Variants in SBK3 observed in about 807,000 individuals in gnomAD.
SBK3 encodes uncharacterized serine/threonine-protein kinase SBK3.
A neutral mutation model predicts 12.7 loss-of-function variants in SBK3; 16 were observed. That is an observed-to-expected ratio of 1.26 (90% CI 0.86 to 1.92). The LOEUF (loss-of-function observed/expected upper bound fraction) is 1.92, where lower values mean the gene tolerates loss of function less well. Ranked by LOEUF, SBK3 falls within the 40% of genes most tolerant of loss-of-function variation. SBK3 has a pLI of 0.00. For synonymous variants in SBK3, 217 were observed against 213.6 expected (o/e 1.02, Z -0.14); for missense variants, 462 against 481.8 (o/e 0.96, Z 0.38).
Position 55,545,263 on chromosome 19 carries a change from C to T in SBK3, c.45+236G>A. On this transcript the variant is annotated intron_variant, in intron 1 of 3. Coordinates refer to ENST00000612221, the MANE Select transcript of SBK3 (RefSeq NM_001199824.2). This position sits in a 1 kb window ranked among gnomAD's most constrained non-coding sequence, Gnocchi z 4.4. ...CCCCTGCCCACCCTGGTCTCTCTCT[C>T]CACCGTCCTCTTCCCCTGTGCATCC... is the stretch of plus-strand genomic sequence containing the variant. 1 of 589,206 alleles carries T rather than the reference C, an allele frequency of 1.7e-6. No individual in the cohort carries two copies. The highest frequency in any genetic ancestry group is 2.9e-5 in the East Asian group (1 of 35,034). The allele number at this position is 589,206 out of a possible 1,614,324, so 36.5% of individuals were successfully genotyped here.
chr19:55,542,580 C>T (rs889701552), intron 3 of SBK3, among the ~76,000 whole-genome samples: 1 of 150,354 alleles, frequency 6.7e-6, no homozygotes, highest in African/African-American at 2.5e-5. Context: ...CCAATCCTTC[C>T]TTCCGTCCAT....
At position 55,541,287 on chromosome 19, in the gene SBK3, C is replaced by A. The variant is rs981211408; in HGVS notation, c.639G>T (p.Pro213=). The part of the protein sequence containing the change: ...TAPPELCLLL[P]PDTLPLRPAV... ...CTGGCCGCAGAGGCAGGGTGTCGGG[C>A]GGTAGCAGGAGACAGAGCTCAGGCG... The change falls in exon 4 of 4, where the codon CCG becomes CCT. Residue 213 remains proline, a synonymous_variant. Coordinates refer to ENST00000612221, the MANE Select transcript of SBK3 (RefSeq NM_001199824.2). This position sits in a 1 kb window ranked among gnomAD's most constrained non-coding sequence, Gnocchi z 5.3. The A allele has an allele frequency of 6.5e-7, 1 of 1,535,596 alleles. No homozygotes were observed. The highest frequency in any genetic ancestry group is 1.4e-5 in the African/African-American group (1 of 73,052).
chr19:55,542,446 C>G (rs74881819), intron 3 of SBK3, among the ~76,000 whole-genome samples: 1,454 of 142,260 alleles, frequency 0.01, 9 homozygotes, highest in Non-Finnish European at 0.013. Context: ...CCATCCACCA[C>G]TCACTCACCC....
In SBK3 at chr19:55,544,128, C is replaced by G. The variant is rs768502768; in HGVS notation, c.371G>C (p.Gly124Ala). Residue 124 changes from glycine (G) to alanine (A), a missense_variant, in exon 3 of 4, where the codon GGG (glycine) becomes GCG (alanine). Physicochemically the swap from Gly to Ala is moderately conservative, Grantham distance 60. Transcript: ENST00000612221. ...FAFAQEYAPC[G>A]DLSGMLQERG... ...TTCCTGCAGCATCCCGCTGAGGTCC[C>G]CACAGGGCGCGTACTCCTGGGCGAA... 1.8e-5 allele frequency: 27 copies of G among 1,525,658 alleles called. No homozygotes were observed. Among genetic ancestry groups the G allele is most frequent in the Non-Finnish European group, 2.4e-5 (27 of 1,141,674 alleles). 94.5% of individuals were successfully genotyped at this position (1,525,658 alleles called of 1,614,324 possible). A position where few individuals can be genotyped will look rare whatever the true frequency, so the allele number is the denominator to read the frequency against.
rs781725343 is a variant in SBK3, at chr19:55,540,899, C to A, written c.1027G>T (p.Gly343Cys). Residue 343 changes from glycine to cysteine, a missense_variant, in exon 4 of 4, where the codon GGT becomes TGT. Gly to Cys is a radical substitution (Grantham distance 159, BLOSUM62 -3). Transcript: ENST00000612221. The stretch of plus-strand genomic sequence containing the variant: ...CTCCCACCACTTTTGCTGTCATCAC[C>A]CTCATCTGTCCACTCCTCCAGGCTT... ...GSSLEEWTDE[G>C]DDSKSGGRTG... The A allele has an allele frequency of 1.3e-5, 20 of 1,536,038 alleles. No homozygotes were observed. The highest frequency in any genetic ancestry group is 2.7e-5 in the African/African-American group (2 of 73,020).
intron 2 of SBK3, 31 bp downstream of exon 2, chr19:55,544,768 G>T (rs1988634679): frequency 1.4e-6 from 2 of 1,462,058 alleles, no homozygotes; most frequent in Admixed American, 4.9e-5. Flanking sequence ...TGGGGCAGTT[G>T]GGGAGGCTGC....
At position 55,541,566 on chromosome 19, in the gene SBK3, G is replaced by A. The variant is rs1988562078; in HGVS notation, c.400-40C>T. On this transcript the variant is annotated intron_variant, in intron 3 of 3. Transcript: ENST00000612221. This position sits in a 1 kb window ranked among gnomAD's most constrained non-coding sequence, Gnocchi z 5.3. The stretch of plus-strand genomic sequence containing the variant: ...ACAGGAGGAGGGTCAGAGTGTCTTG[G>A]TTTTGTCTTTTTTATGTTGTCCAGG... The A allele has an allele frequency of 1.4e-6, 2 of 1,436,706 alleles. No individual in the cohort carries two copies. The highest frequency in any genetic ancestry group is 1.8e-6 in the Non-Finnish European group (2 of 1,084,692). 89.0% of individuals were successfully genotyped at this position (1,436,706 alleles called of 1,614,324 possible).
rs1008004745 is a variant in SBK3, at chr19:55,541,595, G to C, written c.400-69C>G. ...TGTCTTTTTTATGTTGTCCAGGCTGGTCTCAAACTCCTGGCCTCAAGCGAT... is the reference window on the plus strand; with the variant it reads ...TGTCTTTTTTATGTTGTCCAGGCTGCTCTCAAACTCCTGGCCTCAAGCGAT... On this transcript the variant is annotated intron_variant, in intron 3 of 3. Transcript: ENST00000612221. The surrounding 1 kb of genome is among the most constrained non-coding windows in gnomAD (Gnocchi z 5.3). 7.7e-7 allele frequency: 1 copy of C among 1,295,684 alleles called. No homozygotes were observed. Among genetic ancestry groups the C allele is most frequent in the African/African-American group, 1.5e-5 (1 of 67,416 alleles). 80.3% of individuals were successfully genotyped at this position (1,295,684 alleles called of 1,614,324 possible).
chr19:55,544,292 C>T lies in SBK3; in HGVS notation c.207G>A (p.Val69=), dbSNP rs1200696555. ...AATCCCGACGCAGGAGCTTCAGAGC[C>T]ACAGCTGGACCTGCCAGGGAGATGG... ...LAQPHQGGPA[V]ALKLLRRDLV... The change falls in exon 3 of 4, where the codon GTG becomes GTA. Residue 69 remains valine (V), a synonymous_variant. Transcript: ENST00000612221. 2.6e-6 allele frequency: 4 copies of T among 1,535,700 alleles called. No homozygotes were observed. Among genetic ancestry groups the T allele is most frequent in the African/African-American group, 2.7e-5 (2 of 73,128 alleles).
At chr19:55,543,652 C>G (rs1260319278) in intron 3 of SBK3, among the ~76,000 whole-genome samples, 1 of 152,040 alleles carries the variant, frequency 6.6e-6, no homozygotes, top group African/African-American at 2.4e-5. Context: ...TATAGCCCAT[C>G]TCCAACTCAG....
Position 55,541,372 on chromosome 19 carries a change from C to A in SBK3, c.554G>T (p.Gly185Val). The A allele has an allele frequency of 1.3e-6, 2 of 1,535,710 alleles. No homozygotes were observed. The highest frequency in any genetic ancestry group is 1.7e-6 in the Non-Finnish European group (2 of 1,146,756). Residue 185 changes from glycine to valine, a missense_variant, in exon 4 of 4, where the codon GGT (glycine) becomes GTT (valine). By Grantham distance (109) the Gly-to-Val change is moderately radical. Coordinates refer to ENST00000612221, the MANE Select transcript of SBK3 (RefSeq NM_001199824.2). The surrounding 1 kb of genome is among the most constrained non-coding windows in gnomAD (Gnocchi z 5.3). ...VCSRVALGDLGLTRPEGSPTP... is the reference protein window; with the variant it reads ...VCSRVALGDLVLTRPEGSPTP... The stretch of plus-strand genomic sequence containing the variant: ...CGGGCTGCCCTCTGGCCGGGTCAGA[C>A]CCAGGTCTCCCAGGGCCACACGGCT...
chr19:55,544,824 C>T lies in SBK3; in HGVS notation c.171G>A (p.Val57=). 2 of 1,526,412 alleles carry T rather than the reference C, an allele frequency of 1.3e-6. No individual in the cohort carries two copies. The highest frequency in any genetic ancestry group is 1.8e-6 in the Non-Finnish European group (2 of 1,142,264). 94.6% of individuals were successfully genotyped at this position (1,526,412 alleles called of 1,614,324 possible). ...RKLGSGSYGR[V]LLAQPHQGGP... ...CCCCCTGGTGAGGCTGGGCAAGGAG[C>T]ACGCGGCCGTAGGAGCCGGAGCCCA... The change falls in exon 2 of 4, where the codon GTG becomes GTA. Residue 57 remains valine (V), a synonymous_variant. Transcript: ENST00000612221.
intron 3 of SBK3, among the ~76,000 whole-genome samples, chr19:55,543,283 T>C (rs1988603988): frequency 8.5e-6 from 1 of 117,266 alleles, no homozygotes; most frequent in African/African-American, 3.5e-5. Flanking sequence ...CATCCATCCA[T>C]CCACTCACCC....
Position 55,545,042 on chromosome 19 carries a change from G to A in SBK3, c.46-93C>T, listed in dbSNP as rs951463549. 50 of 961,218 alleles carry A rather than the reference G, an allele frequency of 5.2e-5. No individual in the cohort carries two copies. The highest frequency in any genetic ancestry group is 7.0e-5 in the Non-Finnish European group (46 of 659,668). 59.5% of individuals were successfully genotyped at this position (961,218 alleles called of 1,614,324 possible). A position where few individuals can be genotyped will look rare whatever the true frequency, so the allele number is the denominator to read the frequency against. ...TCACGGCGCAGCCCCAGGATGGAGG[G>A]TGGGGCAGGGGACAGGGGTCACTGT... On this transcript the variant is annotated intron_variant, in intron 1 of 3. Transcript: ENST00000612221. The surrounding 1 kb of genome is among the most constrained non-coding windows in gnomAD (Gnocchi z 4.4).
In SBK3 at chr19:55,544,876, C is replaced by T. The variant is rs1176900973; in HGVS notation, c.119G>A (p.Arg40Gln). ...TSRVTPVRSL[R>Q]DQYHLIRKLG... is the part of the protein sequence containing the mutation. ...CTTCCGGATGAGGTGGTACTGGTCC[C>T]GAAGGCTCCTCACCGGGGTCACCCT... The change falls in exon 2 of 4, where the codon CGG becomes CAG. Residue 40 changes from arginine to glutamine, a missense_variant. Arg to Gln is a conservative substitution (Grantham distance 43). Coordinates refer to ENST00000612221, the MANE Select transcript of SBK3 (RefSeq NM_001199824.2). 20 of 1,534,272 alleles carry T rather than the reference C, an allele frequency of 1.3e-5. No homozygotes were observed. The highest frequency in any genetic ancestry group is 1.9e-4 in the Middle Eastern group (1 of 5,294).
chr19:55,543,971 G>A (rs1310678337), intron 3 of SBK3, 129 bp downstream of exon 3: 3 of 707,388 alleles, frequency 4.2e-6, no homozygotes, highest in Non-Finnish European at 4.4e-6. Context: ...GGGAGGTCAT[G>A]TGGGGGCTCA....
rs1206721435 is a variant in SBK3 at position 55,544,713 on chromosome 19, C to G, written c.196+86G>C. On this transcript the variant is annotated intron_variant, in intron 2 of 3. Transcript: ENST00000612221. ...CTGAGAAGGGTCCCCATCAGCTCCT[C>G]CTGGGAATGCCCCCTGTCTGGGTGG... 7 of 1,330,466 alleles carry G rather than the reference C, an allele frequency of 5.3e-6. No homozygotes were observed. In the East Asian group the frequency reaches 1.3e-4, roughly 25 times the overall value. The allele number at this position is 1,330,466 out of a possible 1,614,324, so 82.4% of individuals were successfully genotyped here.
chr19:55,543,410 A>G (rs992987479), intron 3 of SBK3, among the ~76,000 whole-genome samples: 5 of 140,816 alleles, frequency 3.6e-5, no homozygotes, highest in Non-Finnish European at 4.6e-5. Flanking sequence ...TCACCCACCC[A>G]TCTGTCCACT....
chr19:55,541,793 C>A lies in SBK3; in HGVS notation c.400-267G>T, dbSNP rs1201918239. The stretch of plus-strand genomic sequence containing the variant: ...CTAGTGGCTACCTCCAGTGTTCCCA[C>A]CACATGCTCCCAAAGACTTTCTCTC... On this transcript the variant is annotated intron_variant, in intron 3 of 3. Coordinates refer to ENST00000612221, the MANE Select transcript of SBK3 (RefSeq NM_001199824.2). This position sits in a 1 kb window ranked among gnomAD's most constrained non-coding sequence, Gnocchi z 5.3. Among the ~76,000 whole-genome samples the A allele has an allele frequency of 6.6e-6, 1 of 152,170 alleles. No homozygotes were observed. The highest frequency in any genetic ancestry group is 2.4e-5 in the African/African-American group (1 of 41,424).
Sources: allele counts gnomAD v4.1 joint callset (sites outside exome capture counted in the v4.1 genomes callset), GRCh38; gene constraint gnomAD v4.1.1; non-coding constraint Gnocchi (gnomAD v3.1); transcripts MANE v1.5; gene names NCBI Gene and HGNC (gene_info 2026-07-23, HGNC 2026-07-21).